The following OPHN1 variants were observed in gnomAD, a reference collection of about 807,000 sequenced individuals.
OPHN1 encodes oligophrenin 1.
Under a neutral mutation model 60.7 loss-of-function variants are expected in OPHN1, and 11 were observed. That is an observed-to-expected ratio of 0.18 (90% confidence interval 0.11 to 0.30). The LOEUF is 0.30. Ranked by LOEUF, OPHN1 falls within the 10% of genes least tolerant of loss-of-function variation. OPHN1 has a pLI of 1.00. For missense variants in OPHN1, 449 were observed against 611.0 expected, an observed-to-expected ratio of 0.73 and a Z score of 2.80; for synonymous variants, 226 against 222.6, an observed-to-expected ratio of 1.02 and a Z score of -0.14.
intron 2 of OPHN1, among the ~76,000 whole-genome samples, chrX:68,348,936 G>A (rs1395407613): frequency 1.8e-5 from 2 of 111,590 alleles, no homozygotes; most frequent in Admixed American, 9.7e-5. Context: ...CAAGTAGGAG[G>A]TGTGGAGGGG....
chrX:68,300,058 C>T (rs950160002), intron 2 of OPHN1, among the ~76,000 whole-genome samples: 28 of 112,028 alleles, frequency 2.5e-4, no homozygotes, highest in African/African-American at 8.1e-4. Context: ...CTTTGAGGCA[C>T]ACTGATCTTA....
intron 2 of OPHN1, 21 bp downstream of exon 2, chrX:68,432,846 T>C: frequency 8.3e-7 from 1 of 1,209,355 alleles, no homozygotes; most frequent in Non-Finnish European, 1.1e-6. Flanking sequence ...GAGAAACAGC[T>C]CATCGAAGCC....
At chrX:68,094,663 AC>A (rs1269704282) in intron 19 of OPHN1, among the ~76,000 whole-genome samples, 1 of 108,855 alleles carries the variant, frequency 9.2e-6, no homozygotes, top group Non-Finnish European at 1.9e-5. Context: ...CATGCTCAAA[AC>A]CCCCCTTCTA....
intron 2 of OPHN1, among the ~76,000 whole-genome samples, chrX:68,308,815 G>A (rs776340064): frequency 9.1e-6 from 1 of 109,479 alleles, no homozygotes; most frequent in South Asian, 4.1e-4. Context: ...GGTCTAGCTC[G>A]GATGCCCAGG....
rs2077105684 is a variant in OPHN1, at chrX:68,111,915, C to T, written c.1465G>A (p.Val489Ile). 1.7e-6 allele frequency: 2 copies of T among 1,206,528 alleles called. No homozygotes were observed. The highest frequency in any genetic ancestry group is 2.3e-4 in the Middle Eastern group (1 of 4,335). ...DYRLGAIHSL[V>I]YKLPEKNREM... ...CGGTTCTTTTCTGGTAGCTTATATA[C>T]CAGGGAGTGAATAGCTCCTAGGCGG... The change falls in exon 18 of 25, where the codon GTA becomes ATA. Residue 489 changes from valine to isoleucine, a missense_variant. Around this residue, in one of 4 missense-constraint regions of OPHN1, gnomAD observed 166 missense variants for 278.4 expected, o/e 0.60. Transcript: ENST00000355520.
intron 15 of OPHN1, among the ~76,000 whole-genome samples, chrX:68,157,116 T>C (rs2077313076): frequency 8.9e-6 from 1 of 112,288 alleles, no homozygotes; most frequent in African/African-American, 3.2e-5. Context: ...TCTGAATTTA[T>C]ATTAAATAAA....
At chrX:68,136,306 T>G (rs911100643) in intron 15 of OPHN1, among the ~76,000 whole-genome samples, 5 of 87,349 alleles carry the variant, frequency 5.7e-5, no homozygotes, top group East Asian at 6.4e-4. Flanking sequence ...TTTTTTTTTT[T>G]TTTTTTTTTG....
intron 2 of OPHN1, among the ~76,000 whole-genome samples, chrX:68,353,085 G>A (rs1328785705): frequency 3.7e-5 from 4 of 109,476 alleles, no homozygotes; most frequent in African/African-American, 1.3e-4. Context: ...TCAGGAAGCC[G>A]AGGCTGCAGT....
chrX:68,164,837 C>T (rs1403379345), intron 15 of OPHN1, among the ~76,000 whole-genome samples: 2 of 112,206 alleles, frequency 1.8e-5, no homozygotes, highest in East Asian at 5.6e-4. Flanking sequence ...TTACTGTAGC[C>T]GCCTTTGTCA....
chrX:68,254,785 G>A (rs1365009672), intron 5 of OPHN1, among the ~76,000 whole-genome samples: 1 of 109,653 alleles, frequency 9.1e-6, no homozygotes, highest in Non-Finnish European at 1.9e-5. Context: ...GGGAAGCCTC[G>A]GCTTCCCAAA....
intron 12 of OPHN1, among the ~76,000 whole-genome samples, chrX:68,196,053 G>A (rs2077511569): frequency 8.9e-6 from 1 of 112,163 alleles, no homozygotes; most frequent in Admixed American, 9.5e-5. Flanking sequence ...GAAGGTGACA[G>A]AAGGAAGACA....
chrX:68,162,220 G>A (rs2077337905), intron 15 of OPHN1, among the ~76,000 whole-genome samples: 1 of 110,552 alleles, frequency 9.0e-6, no homozygotes, highest in Non-Finnish European at 1.9e-5. Flanking sequence ...ATCAGAACAG[G>A]AAAGCAATAT....
intron 2 of OPHN1, among the ~76,000 whole-genome samples, chrX:68,349,459 G>A (rs1360349985): frequency 4.5e-5 from 5 of 111,953 alleles, no homozygotes; most frequent in Non-Finnish European, 9.4e-5. Flanking sequence ...CACTGTTGGT[G>A]GGAGTGTAAA....
At chrX:68,193,714 T>A (rs2077498621) in intron 14 of OPHN1, among the ~76,000 whole-genome samples, 176 bp downstream of exon 14, 1 of 112,238 alleles carries the variant, frequency 8.9e-6, no homozygotes, top group African/African-American at 3.2e-5. Flanking sequence ...ATCCAAATTA[T>A]CCAAATATGC....
intron 19 of OPHN1, among the ~76,000 whole-genome samples, chrX:68,096,391 T>C (rs2077038394): frequency 8.9e-6 from 1 of 112,188 alleles, no homozygotes; most frequent in Non-Finnish European, 1.9e-5. Context: ...TCTTCATTTC[T>C]AAAGGTTCTT....
intron 15 of OPHN1, among the ~76,000 whole-genome samples, chrX:68,173,138 G>T (rs1290210571): frequency 9.0e-6 from 1 of 110,517 alleles, no homozygotes; most frequent in Non-Finnish European, 1.9e-5. Context: ...CTCATCAGAG[G>T]TAACCTGCTT....
intron 2 of OPHN1, among the ~76,000 whole-genome samples, chrX:68,333,710 C>T (rs913979137): frequency 5.4e-5 from 6 of 110,669 alleles, no homozygotes; most frequent in Admixed American, 2.0e-4. Flanking sequence ...CACACACACA[C>T]GCACCTCCAT....
intron 5 of OPHN1, among the ~76,000 whole-genome samples, chrX:68,237,803 T>C (rs1476703053): frequency 1.8e-5 from 2 of 111,894 alleles, no homozygotes; most frequent in Admixed American, 1.9e-4. Context: ...GGATTTTCTA[T>C]ATACAACATG....
At chrX:68,371,203 TTTTTTC>T (rs2078526392) in intron 2 of OPHN1, among the ~76,000 whole-genome samples, 1 of 106,828 alleles carries the variant, frequency 9.4e-6, no homozygotes, top group African/African-American at 3.6e-5. Flanking sequence ...ACCTTTCAAG[TTTTTTC>T]TTTTTCTTTC....
Sources: allele counts gnomAD v4.1 joint callset (sites outside exome capture counted in the v4.1 genomes callset), GRCh38; gene constraint gnomAD v4.1.1; regional missense constraint gnomAD v4.1.1; transcripts MANE v1.5; gene names NCBI Gene and HGNC (gene_info 2026-07-23, HGNC 2026-07-21).